Variants in ODR4 observed in about 807,000 individuals in gnomAD.
ODR4 encodes the protein protein odr-4 homolog.
Under a neutral mutation model 60.2 loss-of-function variants are expected in ODR4, and 47 were observed. The observed-to-expected ratio is 0.78, with a 90% confidence interval of 0.62 to 1.00. The LOEUF is 1.00. ODR4 is among the 50% of genes least tolerant of loss of function. The pLI, the probability that ODR4 is intolerant of heterozygous loss-of-function variation, is 0.00. For missense variants in ODR4, 488 were observed against 530.8 expected, an observed-to-expected ratio of 0.92 and a Z score of 0.79; for synonymous variants, 178 against 175.5, an observed-to-expected ratio of 1.01 and a Z score of -0.11.
chr1:186,376,043 G>C (rs1453540090), intron 1 of ODR4, 69 bp downstream of exon 1: 6 of 155,428 alleles, frequency 3.9e-5, no homozygotes, highest in Non-Finnish European at 5.7e-5. Flanking sequence ...AAGAGAAAAA[G>C]GAAGGGACAG....
intron 6 of ODR4, among the ~76,000 whole-genome samples, chr1:186,389,948 T>G (rs1424634494): frequency 6.6e-6 from 1 of 152,108 alleles, no homozygotes; most frequent in Non-Finnish European, 1.5e-5. Context: ...CCACTGCACC[T>G]GGCTAATTAT....
chr1:186,380,794 ACTTT>A (rs1659992528), intron 2 of ODR4, among the ~76,000 whole-genome samples: 1 of 152,176 alleles, frequency 6.6e-6, no homozygotes, highest in Non-Finnish European at 1.5e-5. Flanking sequence ...TTCCCAAGCT[ACTTT>A]CTTTTATAAT....
intron 12 of ODR4, among the ~76,000 whole-genome samples, chr1:186,407,747 C>G (rs533960892): frequency 1.3e-5 from 2 of 152,222 alleles, no homozygotes; most frequent in South Asian, 4.1e-4. Context: ...ATATTCTCAC[C>G]TACCTTAAGC....
chr1:186,414,999 A>G (rs1021386638), intron 12 of ODR4, among the ~76,000 whole-genome samples: 12 of 152,128 alleles, frequency 7.9e-5, no homozygotes, highest in Non-Finnish European at 1.8e-4. Context: ...CCCTTGAGAA[A>G]ACTACAAACT....
At chr1:186,415,622 T>G in intron 12 of ODR4, among the ~76,000 whole-genome samples, 1 of 152,188 alleles carries the variant, frequency 6.6e-6, no homozygotes, top group Non-Finnish European at 1.5e-5. Context: ...TCAGCCTGGG[T>G]AGCATACTTT....
At chr1:186,384,760 C>T (rs1488177685) in intron 3 of ODR4, among the ~76,000 whole-genome samples, 1 of 152,024 alleles carries the variant, frequency 6.6e-6, no homozygotes, top group African/African-American at 2.4e-5. Flanking sequence ...ATGCAGGCTC[C>T]TTATGCTAAA....
rs1174092185 is a variant in ODR4, at chr1:186,385,996, A to C, written c.243A>C (p.Arg81Ser). The C allele has an allele frequency of 3.2e-6, 5 of 1,585,834 alleles. No individual in the cohort carries two copies. In the South Asian group the frequency reaches 4.5e-5, roughly 14 times the overall value. Residue 81 changes from arginine (R) to serine (S), a missense_variant, in exon 4 of 14, where the codon AGA becomes AGC. Transcript: ENST00000287859. Reference sequence around the variant, plus strand: ...TATATTTCTATTTTTAGGTATCCAGAATGCTACCAGGGGGACTTTTAGTTC... The same window carrying C: ...TATATTTCTATTTTTAGGTATCCAGCATGCTACCAGGGGGACTTTTAGTTC... ...WATEHACQVS[R>S]MLPGGLLVLG... is the part of the protein sequence containing the mutation.
intron 11 of ODR4, among the ~76,000 whole-genome samples, chr1:186,402,447 T>G (rs908273197): frequency 6.6e-6 from 1 of 151,704 alleles, no homozygotes; most frequent in Non-Finnish European, 1.5e-5. Flanking sequence ...TCACCCAGCC[T>G]GGAATGCAAT....
chr1:186,416,565 G>A (rs1316285667), intron 12 of ODR4, among the ~76,000 whole-genome samples: 2 of 152,070 alleles, frequency 1.3e-5, no homozygotes, highest in African/African-American at 2.4e-5. Flanking sequence ...CCAGCTACTC[G>A]GGAGGCTGAG....
At chr1:186,427,312 G>A in the ODR4 span, among the ~76,000 whole-genome samples, 1 of 152,146 alleles carries the variant, frequency 6.6e-6, no homozygotes, top group East Asian at 1.9e-4. Context: ...AACTAAGTTT[G>A]TGTGACATTC....
At position 186,386,005 on chromosome 1, in the gene ODR4, A is replaced by T. The variant is rs1660235461; in HGVS notation, c.252A>T (p.Pro84=). The change falls in exon 4 of 14, where the codon CCA becomes CCT. Residue 84 remains proline (P), a synonymous_variant. Coordinates refer to ENST00000287859, the MANE Select transcript of ODR4 (RefSeq NM_017847.6). ...EHACQVSRML[P]GGLLVLGVFI... ...ATTTTTAGGTATCCAGAATGCTACC[A>T]GGGGGACTTTTAGTTCTTGGAGTAT... The T allele has an allele frequency of 6.3e-7, 1 of 1,598,444 alleles. No individual in the cohort carries two copies. The highest frequency in any genetic ancestry group is 1.1e-5 in the South Asian group (1 of 89,436).
chr1:186,414,308 G>T (rs1661474359), intron 12 of ODR4, among the ~76,000 whole-genome samples: 1 of 151,864 alleles, frequency 6.6e-6, no homozygotes, highest in African/African-American at 2.4e-5. Flanking sequence ...CTCAGAGTAC[G>T]ATCTTCTAGA....
At chr1:186,405,998 G>A in intron 11 of ODR4, 85 bp from the exon 12 acceptor site, 1 of 959,134 alleles carries the variant, frequency 1.0e-6, no homozygotes. Flanking sequence ...ATTTCTATTA[G>A]TTTTTGTATG....
chr1:186,401,967 C>G (rs550198058), intron 11 of ODR4, among the ~76,000 whole-genome samples: 15 of 152,176 alleles, frequency 9.9e-5, no homozygotes, highest in African/African-American at 3.1e-4. Context: ...ATTGGTAAAA[C>G]CATCCAGTCT....
intron 2 of ODR4, among the ~76,000 whole-genome samples, chr1:186,380,378 T>G (rs538404263): frequency 3.3e-5 from 5 of 152,248 alleles, no homozygotes; most frequent in Admixed American, 3.3e-4. Flanking sequence ...TTGTTGTTGT[T>G]GGATCAATAG....
At chr1:186,430,384 CTTGCTCAATTTGT>C in the ODR4 span, among the ~76,000 whole-genome samples, 1 of 152,022 alleles carries the variant, frequency 6.6e-6, no homozygotes, top group African/African-American at 2.4e-5. Flanking sequence ...CTTTATTCAA[CTTGCTCAATTTGT>C]TGAGGAGATT....
chr1:186,405,253 T>C (rs1661129278), intron 11 of ODR4, among the ~76,000 whole-genome samples: 1 of 152,078 alleles, frequency 6.6e-6, no homozygotes, highest in East Asian at 1.9e-4. Flanking sequence ...ATGCTTGATA[T>C]ATAGGAAGGG....
At position 186,394,966 on chromosome 1, in the gene ODR4, G is replaced by A. The variant is rs183680247; in HGVS notation, c.780+951G>A. Among the ~76,000 whole-genome samples the A allele has an allele frequency of 1.0e-3, 158 of 152,204 alleles. 1 individual carries two copies. Among genetic ancestry groups the A allele is most frequent in the Non-Finnish European group, 2.4e-4 (16 of 68,026 alleles). Reference sequence around the variant, plus strand: ...TTTTCACTAGTTAGGCTTACTTCATGGTTTATTAAACAATTTGGTTAAGAT... The same window carrying A: ...TTTTCACTAGTTAGGCTTACTTCATAGTTTATTAAACAATTTGGTTAAGAT... On this transcript the variant is annotated intron_variant, in intron 9 of 13. Transcript: ENST00000287859.
At chr1:186,402,040 G>A (rs1215253682) in intron 11 of ODR4, among the ~76,000 whole-genome samples, 1 of 151,584 alleles carries the variant, frequency 6.6e-6, no homozygotes, top group Non-Finnish European at 1.5e-5. Flanking sequence ...AGTCTGTTCA[G>A]GTTTTCTATT....
Sources: allele counts gnomAD v4.1 joint callset (sites outside exome capture counted in the v4.1 genomes callset), GRCh38; gene constraint gnomAD v4.1.1; transcripts MANE v1.5; gene names NCBI Gene and HGNC (gene_info 2026-07-23, HGNC 2026-07-21).